The following MVB12B variants were observed in gnomAD, a reference collection of about 807,000 sequenced individuals.
MVB12B encodes ESCRT-I complex subunit MVB12B.
A neutral mutation model predicts 41.6 loss-of-function variants in MVB12B; 16 were observed. The observed-to-expected ratio is 0.38, with a 90% CI of 0.26 to 0.58. MVB12B has a LOEUF of 0.58. Among genes scored for constraint, MVB12B ranks in the 20% least tolerant of loss-of-function variants. The probability of loss-of-function intolerance (pLI) is 0.62; values close to 1 mark genes in which losing one functional copy is unlikely to be tolerated. For missense variants in MVB12B, 274 were observed against 380.2 expected, an observed-to-expected ratio of 0.72 and a Z score of 2.32; for synonymous variants, 133 against 139.7, an observed-to-expected ratio of 0.95 and a Z score of 0.34.
intron 9 of MVB12B, among the ~76,000 whole-genome samples, chr9:126,495,105 T>C (rs1430966536): frequency 6.7e-6 from 1 of 148,882 alleles, no homozygotes; most frequent in Non-Finnish European, 1.5e-5. Flanking sequence ...GGTGTGAGGA[T>C]CACTTGAGCC....
chr9:126,438,917 G>A (rs1026825308), intron 7 of MVB12B, among the ~76,000 whole-genome samples: 2 of 152,132 alleles, frequency 1.3e-5, no homozygotes, highest in South Asian at 2.1e-4. Context: ...GTTGAATCCC[G>A]TGTATGATAC....
rs116803938 is a variant in MVB12B at position 126,391,881 on chromosome 9, T to A, written c.410-185T>A. Among the ~76,000 whole-genome samples, 3,845 of 152,216 alleles carry A rather than the reference T, an allele frequency of 0.025. 141 individuals are homozygous for A. Among genetic ancestry groups the A allele is most frequent in the African/African-American group, 0.088 (3,652 of 41,520 alleles). On this transcript the variant is annotated intron_variant, in intron 4 of 9. Coordinates refer to ENST00000361171, the MANE Select transcript of MVB12B (RefSeq NM_033446.3). This position sits in a 1 kb window ranked among gnomAD's most constrained non-coding sequence, Gnocchi z 4.4. ...GGGGGTGTCTGGGTTGGGTCCCACA[T>A]GCAGAGCAGGGTGACTGCAGCCCCG...
At chr9:126,464,080 T>A (rs1404035130) in intron 7 of MVB12B, among the ~76,000 whole-genome samples, 2 of 152,024 alleles carry the variant, frequency 1.3e-5, no homozygotes, top group Non-Finnish European at 2.9e-5. Flanking sequence ...ATCCAGGCCT[T>A]GGCTACTGAG....
chr9:126,414,452 G>A (rs186963384), intron 6 of MVB12B, among the ~76,000 whole-genome samples: 1 of 152,032 alleles, frequency 6.6e-6, no homozygotes, highest in East Asian at 1.9e-4. Flanking sequence ...AACACTCCCC[G>A]AGGATTTAGG....
intron 6 of MVB12B, among the ~76,000 whole-genome samples, chr9:126,398,355 C>T (rs1490538912): frequency 6.6e-6 from 1 of 152,096 alleles, no homozygotes; most frequent in Non-Finnish European, 1.5e-5. Flanking sequence ...TCCCTGGTCC[C>T]TGAGCACTGC....
intron 2 of MVB12B, among the ~76,000 whole-genome samples, chr9:126,347,848 C>T (rs1273366246): frequency 1.3e-5 from 2 of 152,212 alleles, no homozygotes; most frequent in African/African-American, 4.8e-5. Context: ...ACAGCTGTCA[C>T]ATGGATTTTC....
chr9:126,456,348 C>T (rs970498915), intron 7 of MVB12B, among the ~76,000 whole-genome samples: 3 of 152,198 alleles, frequency 2.0e-5, no homozygotes, highest in Non-Finnish European at 2.9e-5. Context: ...AGATATGAAA[C>T]ATTCAGGTGA....
chr9:126,344,132 A>G (rs2118835895), intron 2 of MVB12B, among the ~76,000 whole-genome samples: 1 of 152,120 alleles, frequency 6.6e-6, no homozygotes, highest in African/African-American at 2.4e-5. Flanking sequence ...TTGTTTATCT[A>G]TCCACCCCAT....
intron 6 of MVB12B, among the ~76,000 whole-genome samples, chr9:126,417,687 T>C (rs999850070): frequency 2.0e-5 from 3 of 152,302 alleles, no homozygotes; most frequent in East Asian, 1.9e-4. Context: ...AAGTACAAAA[T>C]TGATGATATT....
chr9:126,489,492 C>G (rs1489556888), intron 9 of MVB12B, among the ~76,000 whole-genome samples: 6 of 152,202 alleles, frequency 3.9e-5, no homozygotes. Context: ...CAAGGACGGT[C>G]ATGTTTTAAA....
rs1283361187 is a variant in MVB12B, at chr9:126,333,162, C to T, written c.81+6152C>T. 6.6e-6 allele frequency among the ~76,000 whole-genome samples: 1 copy of T among 152,186 alleles called. No homozygotes were observed. The highest frequency in any genetic ancestry group is 1.5e-5 in the Non-Finnish European group (1 of 68,026). ...AGTGCAGTGGTGCAATCTTGGCTCA[C>T]TGCAACCTCCGCCACCCAGGTTCAA... On this transcript the variant is annotated intron_variant, in intron 1 of 9. Transcript: ENST00000361171. This position sits in a 1 kb window ranked among gnomAD's most constrained non-coding sequence, Gnocchi z 4.7.
chr9:126,454,880 A>G (rs1218977433), intron 7 of MVB12B, among the ~76,000 whole-genome samples: 1 of 151,892 alleles, frequency 6.6e-6, no homozygotes, highest in Non-Finnish European at 1.5e-5. Context: ...ACAGAGATGC[A>G]CGTGCCGCTC....
At chr9:126,439,705 G>A (rs1191407209) in intron 7 of MVB12B, among the ~76,000 whole-genome samples, 1 of 152,098 alleles carries the variant, frequency 6.6e-6, no homozygotes. Context: ...ATGTATTTTT[G>A]TGAAAATGAA....
chr9:126,452,705 T>TA (rs1832907672), intron 7 of MVB12B, among the ~76,000 whole-genome samples: 1 of 151,856 alleles, frequency 6.6e-6, no homozygotes, highest in Non-Finnish European at 1.5e-5. Context: ...CTGACCTGGA[T>TA]GTTTGGGTGT....
Position 126,505,266 on chromosome 9 carries a change from A to C in MVB12B, c.*2003A>C, listed in dbSNP as rs886224113. 8 of 152,198 alleles carry C rather than the reference A, an allele frequency of 5.3e-5. No homozygotes were observed. Among genetic ancestry groups the C allele is most frequent in the Admixed American group, 6.5e-5 (1 of 15,288 alleles). 9.4% of individuals were successfully genotyped at this position (152,198 alleles called of 1,614,324 possible). ...GGAGGCTCAGAGGCAGTGGTGTGGGAGCCCTGTCTGCAAGGACGCAGAATA... is the reference window on the plus strand; with the variant it reads ...GGAGGCTCAGAGGCAGTGGTGTGGGCGCCCTGTCTGCAAGGACGCAGAATA... On this transcript the variant is annotated 3_prime_UTR_variant, in exon 10 of 10. Transcript: ENST00000361171.
intron 8 of MVB12B, among the ~76,000 whole-genome samples, chr9:126,481,658 G>A (rs942039772): frequency 6.6e-6 from 1 of 152,210 alleles, no homozygotes; most frequent in African/African-American, 2.4e-5. Context: ...CTATCAGCCA[G>A]TGCCCCATGT....
intron 2 of MVB12B, among the ~76,000 whole-genome samples, chr9:126,365,386 GCAATGGTGCAATCTTAGCT>G (rs1419461486): frequency 1.4e-5 from 2 of 146,744 alleles, no homozygotes; most frequent in African/African-American, 2.6e-5. Context: ...AGGCTGGAGT[GCAATGGTGCAATCTTAGCT>G]CACTGCAACC....
intron 7 of MVB12B, among the ~76,000 whole-genome samples, chr9:126,464,602 C>T (rs995954796): frequency 6.6e-6 from 1 of 152,218 alleles, no homozygotes. Context: ...AATGGATCTT[C>T]TGGGAGAGGG....
chr9:126,415,853 G>A (rs1831804263), intron 6 of MVB12B, among the ~76,000 whole-genome samples: 1 of 152,168 alleles, frequency 6.6e-6, no homozygotes, highest in Non-Finnish European at 1.5e-5. Context: ...CAGGGAGGAG[G>A]CAGGTGTTAT....
Sources: gnomAD v4.1 joint callset for allele counts (sites outside exome capture counted in the v4.1 genomes callset) on GRCh38, gnomAD v4.1.1 for gene constraint, Gnocchi (gnomAD v3.1) non-coding constraint, MANE v1.5 for transcripts, NCBI Gene and HGNC (gene_info 2026-07-23, HGNC 2026-07-21) for gene names.